The following SH3BGRL variants were observed in gnomAD, a reference collection of about 807,000 sequenced individuals.
SH3BGRL encodes adapter SH3BGRL.
SH3BGRL carries 7 observed loss-of-function variants against 9.8 expected under a neutral mutation model. That is an observed-to-expected ratio of 0.72 (90% CI 0.41 to 1.35). SH3BGRL has a LOEUF of 1.35. SH3BGRL is among the 40% of genes most tolerant of loss of function. The probability of loss-of-function intolerance (pLI) is 0.01; values close to 1 mark genes in which losing one functional copy is unlikely to be tolerated. For missense variants in SH3BGRL, 73 were observed against 84.4 expected, an observed-to-expected ratio of 0.86 and a Z score of 0.53; for synonymous variants, 36 against 29.1, an observed-to-expected ratio of 1.24 and a Z score of -0.76.
intron 1 of SH3BGRL, among the ~76,000 whole-genome samples, chrX:81,227,475 C>G (rs1011826010): frequency 9.0e-6 from 1 of 111,661 alleles, no homozygotes; most frequent in Non-Finnish European, 1.9e-5. Flanking sequence ...CTTGGAAAAC[C>G]TTAGAGTTCA....
intron 3 of SH3BGRL, among the ~76,000 whole-genome samples, chrX:81,282,947 G>A (rs1215000537): frequency 8.9e-6 from 1 of 111,908 alleles, no homozygotes; most frequent in African/African-American, 3.2e-5. Context: ...AAAGAATAAA[G>A]GAAATCCAAA....
intron 1 of SH3BGRL, among the ~76,000 whole-genome samples, chrX:81,245,566 A>C (rs756370105): frequency 8.9e-6 from 1 of 112,262 alleles, no homozygotes; most frequent in South Asian, 3.7e-4. Flanking sequence ...CTGATTGTTC[A>C]TGCCTCACTG....
chrX:81,217,985 T>C (rs2147670768), intron 1 of SH3BGRL, among the ~76,000 whole-genome samples: 1 of 111,420 alleles, frequency 9.0e-6, no homozygotes, highest in Non-Finnish European at 1.9e-5. Flanking sequence ...TGGACTGATA[T>C]ATTTATCATT....
intron 1 of SH3BGRL, among the ~76,000 whole-genome samples, chrX:81,269,183 G>C (rs188117038): frequency 2.7e-5 from 3 of 111,796 alleles, no homozygotes; most frequent in Non-Finnish European, 3.8e-5. Flanking sequence ...TTGCCAGTCT[G>C]TGTCTTTTAA....
chrX:81,215,531 GA>G (rs1275962965), intron 1 of SH3BGRL, among the ~76,000 whole-genome samples: 1 of 111,303 alleles, frequency 9.0e-6, no homozygotes, highest in African/African-American at 3.3e-5. Context: ...GAATGAAGGA[GA>G]AAGTATGGGG....
At chrX:81,230,559 A>T (rs2075629919) in intron 1 of SH3BGRL, among the ~76,000 whole-genome samples, 1 of 112,313 alleles carries the variant, frequency 8.9e-6, no homozygotes, top group East Asian at 2.8e-4. Context: ...AACTGAAAAG[A>T]CCTAGAAGAG....
chrX:81,266,270 G>A (rs950590202), intron 1 of SH3BGRL, among the ~76,000 whole-genome samples: 33 of 111,384 alleles, frequency 3.0e-4, no homozygotes, highest in Admixed American at 2.7e-3. Context: ...TGAAGTCTTT[G>A]CCCATGCCTA....
chrX:81,260,681 T>A, intron 1 of SH3BGRL, among the ~76,000 whole-genome samples: 1 of 111,065 alleles, frequency 9.0e-6, no homozygotes, highest in East Asian at 2.8e-4. Flanking sequence ...ATCATTAAAT[T>A]ATCTACTAGT....
chrX:81,242,555 G>A (rs1327591894), intron 1 of SH3BGRL, among the ~76,000 whole-genome samples: 1 of 112,086 alleles, frequency 8.9e-6, no homozygotes, highest in African/African-American at 3.2e-5. Context: ...AGCAACTAAA[G>A]CAAAAATGAA....
At chrX:81,233,002 G>GCCT (rs1203925891) in intron 1 of SH3BGRL, among the ~76,000 whole-genome samples, 2 of 111,328 alleles carry the variant, frequency 1.8e-5, no homozygotes, top group African/African-American at 6.5e-5. Context: ...GATGACTACT[G>GCCT]CCTCATTCTT....
intron 1 of SH3BGRL, among the ~76,000 whole-genome samples, chrX:81,224,438 G>A (rs914269646): frequency 9.3e-6 from 1 of 107,811 alleles, no homozygotes; most frequent in Non-Finnish European, 1.9e-5. Flanking sequence ...TTAATAGCAA[G>A]AGCTTTGAAT....
intron 1 of SH3BGRL, among the ~76,000 whole-genome samples, chrX:81,265,652 A>C (rs2147703758): frequency 8.9e-6 from 1 of 112,257 alleles, no homozygotes; most frequent in Admixed American, 9.4e-5. Context: ...TAATGTGAAT[A>C]GTGCTGCAAT....
At chrX:81,250,421 AT>A (rs768943901) in intron 1 of SH3BGRL, among the ~76,000 whole-genome samples, 47 of 104,301 alleles carry the variant, frequency 4.5e-4, no homozygotes, top group African/African-American at 5.1e-4. Flanking sequence ...AAAAAAAAAA[AT>A]AAAATAAAAA....
rs1007336237 is a variant in SH3BGRL at position 81,265,363 on chromosome X, C to A, written c.46-11621C>A. 4.6e-5 allele frequency among the ~76,000 whole-genome samples: 5 copies of A among 108,994 alleles called. No homozygotes were observed. In the East Asian group the frequency reaches 1.2e-3, roughly 25 times the overall value. The allele number at this position is 108,994 out of a possible 115,157, so 94.6% of individuals were successfully genotyped here. On this transcript the variant is annotated intron_variant, in intron 1 of 3. Transcript: ENST00000373212. ...CTCCCAATGTTATCCCTCCCCTAGT[C>A]CCACACCCGCCACAGGCCCCGGTGT...
intron 1 of SH3BGRL, among the ~76,000 whole-genome samples, chrX:81,215,948 T>C (rs1182183160): frequency 8.9e-6 from 1 of 111,932 alleles, no homozygotes; most frequent in Non-Finnish European, 1.9e-5. Context: ...GTGGCTTCAT[T>C]GTCTGTTTCT....
At chrX:81,295,024 T>A (rs2075869856) in intron 3 of SH3BGRL, among the ~76,000 whole-genome samples, 1 of 112,511 alleles carries the variant, frequency 8.9e-6, no homozygotes, top group African/African-American at 3.2e-5. Context: ...ACCATCGTTG[T>A]ATCTAGGAAG....
chrX:81,297,175 T>A lies in SH3BGRL; in HGVS notation c.313-20T>A. The A allele has an allele frequency of 8.3e-7, 1 of 1,201,553 alleles. No individual in the cohort carries two copies. On this transcript the variant is annotated intron_variant, in intron 3 of 3. Transcript: ENST00000373212. The stretch of plus-strand genomic sequence containing the variant: ...TCTGTGATGTTTAAACTTATCTGTT[T>A]TGTTTGTTTTTCATTTCAGGAAGCA...
rs183678671 is a variant in SH3BGRL at position 81,278,325 on chromosome X, A to T, written c.232-6A>T. ...TGCTAATTCATCTTATCTTCTTTTCATCAAGGACTATGATGCCTTCTTTGA... is the reference window on the plus strand; with the variant it reads ...TGCTAATTCATCTTATCTTCTTTTCTTCAAGGACTATGATGCCTTCTTTGA... On this transcript the variant is annotated splice_region_variant and splice_polypyrimidine_tract_variant and intron_variant, in intron 2 of 3. Coordinates refer to ENST00000373212, the MANE Select transcript of SH3BGRL (RefSeq NM_003022.3). 2.6e-5 allele frequency: 30 copies of T among 1,157,332 alleles called. No individual in the cohort carries two copies. The East Asian group carries it at 9.0e-4, about 35-fold the overall frequency.
rs189127227 is a variant in SH3BGRL at position 81,242,057 on chromosome X, G to A, written c.46-34927G>A. The stretch of plus-strand genomic sequence containing the variant: ...TGAGCCAAGTGCAGCATGCTGAACC[G>A]AGTGGGCGGAATAAGAACTTGTAAG... On this transcript the variant is annotated intron_variant, in intron 1 of 3. Coordinates refer to ENST00000373212, the MANE Select transcript of SH3BGRL (RefSeq NM_003022.3). Among the ~76,000 whole-genome samples the A allele has an allele frequency of 4.8e-3, 543 of 112,587 alleles. 1 individual carries two copies. Among genetic ancestry groups the A allele is most frequent in the Non-Finnish European group, 7.9e-3 (419 of 53,301 alleles).
Sources: allele counts gnomAD v4.1 joint callset (sites outside exome capture counted in the v4.1 genomes callset), GRCh38; gene constraint gnomAD v4.1.1; transcripts MANE v1.5; gene names NCBI Gene and HGNC (gene_info 2026-07-23, HGNC 2026-07-21).